The following CDYL2 variants were observed in gnomAD, a reference collection of about 807,000 sequenced individuals.
The protein encoded by CDYL2 is chromodomain Y-like protein 2.
In CDYL2, 23 loss-of-function variants were observed where a neutral mutation model predicts 49.4. The ratio of observed to expected loss-of-function variants is 0.47; its 90% CI spans 0.34 to 0.66. The LOEUF (loss-of-function observed/expected upper bound fraction) is 0.66, where lower values mean the gene tolerates loss of function less well. CDYL2 is among the 30% of genes least tolerant of loss of function. The pLI is 0.01. For synonymous variants in CDYL2, 360 were observed against 268.8 expected, an observed-to-expected ratio of 1.34 and a Z score of -3.32; for missense variants, 678 against 656.4, an observed-to-expected ratio of 1.03 and a Z score of -0.36.
intron 1 of CDYL2, among the ~76,000 whole-genome samples, chr16:80,737,976 G>A (rs1905596179): frequency 6.6e-6 from 1 of 152,078 alleles, no homozygotes; most frequent in Admixed American, 6.5e-5. Flanking sequence ...CCATCAACCT[G>A]TCATCTACAT....
At chr16:80,668,057 T>C (rs1909342837) in intron 2 of CDYL2, among the ~76,000 whole-genome samples, 1 of 152,224 alleles carries the variant, frequency 6.6e-6, no homozygotes, top group Non-Finnish European at 1.5e-5. Context: ...TGGAAAAGCA[T>C]TACAAAGACT....
chr16:80,746,390 C>G (rs904986341), intron 1 of CDYL2, among the ~76,000 whole-genome samples: 1 of 152,160 alleles, frequency 6.6e-6, no homozygotes, highest in Middle Eastern at 3.2e-3. Flanking sequence ...TAGACAAGCT[C>G]GAAATGTTCC....
At chr16:80,608,487 C>T (rs775380188) in intron 5 of CDYL2, among the ~76,000 whole-genome samples, 2 of 152,214 alleles carry the variant, frequency 1.3e-5, no homozygotes, top group Admixed American at 6.5e-5. Context: ...GTATGCCCCA[C>T]ACCCCTCCCC....
chr16:80,708,125 G>A (rs1054206423), intron 1 of CDYL2, among the ~76,000 whole-genome samples: 5 of 152,134 alleles, frequency 3.3e-5, no homozygotes, highest in African/African-American at 1.2e-4. Flanking sequence ...TGGGATGGAA[G>A]GATAGGAGGA....
intron 3 of CDYL2, among the ~76,000 whole-genome samples, chr16:80,621,275 G>C (rs977913564): frequency 2.0e-5 from 3 of 152,206 alleles, no homozygotes; most frequent in African/African-American, 7.2e-5. Flanking sequence ...TGCTTATTTA[G>C]CCCTTTACAA....
intron 1 of CDYL2, among the ~76,000 whole-genome samples, chr16:80,786,438 G>A (rs900556473): frequency 6.6e-6 from 1 of 152,230 alleles, no homozygotes; most frequent in African/African-American, 2.4e-5. Flanking sequence ...CAGTTAGAAT[G>A]TTGATCATTC....
At chr16:80,710,005 G>A (rs947937230) in intron 1 of CDYL2, among the ~76,000 whole-genome samples, 3 of 150,962 alleles carry the variant, frequency 2.0e-5, no homozygotes, top group Admixed American at 6.6e-5. Context: ...TCGGCTCACT[G>A]CAACCTCCGC....
At chr16:80,608,745 T>C (rs1367221110) in intron 5 of CDYL2, among the ~76,000 whole-genome samples, 1 of 152,056 alleles carries the variant, frequency 6.6e-6, no homozygotes, top group Non-Finnish European at 1.5e-5. Context: ...CATGGCTGTG[T>C]CCCGGCCTGT....
At chr16:80,668,080 G>C (rs573292098) in intron 2 of CDYL2, among the ~76,000 whole-genome samples, 3 of 152,334 alleles carry the variant, frequency 2.0e-5, no homozygotes, top group Non-Finnish European at 4.4e-5. Context: ...CCCTAGCCAG[G>C]TTTGGCAGGA....
At chr16:80,616,220 C>A (rs1906821320) in intron 4 of CDYL2, among the ~76,000 whole-genome samples, 1 of 152,210 alleles carries the variant, frequency 6.6e-6, no homozygotes, top group Admixed American at 6.5e-5. Flanking sequence ...TGGAGCCTCA[C>A]TTTCTCCCTC....
chr16:80,646,437 A>G (rs997245537), intron 2 of CDYL2, among the ~76,000 whole-genome samples: 1 of 152,202 alleles, frequency 6.6e-6, no homozygotes. Context: ...CTTATAAATA[A>G]TAACATTGAA....
chr16:80,612,327 C>G lies in CDYL2; in HGVS notation c.1218+299G>C, dbSNP rs1906635209. Among the ~76,000 whole-genome samples the G allele has an allele frequency of 6.6e-6, 1 of 152,218 alleles. No individual in the cohort carries two copies. The highest frequency in any genetic ancestry group is 1.5e-5 in the Non-Finnish European group (1 of 68,040). On this transcript the variant is annotated intron_variant, in intron 5 of 6. Coordinates refer to ENST00000570137, the MANE Select transcript of CDYL2 (RefSeq NM_152342.4). The surrounding 1 kb of genome is among the most constrained non-coding windows in gnomAD (Gnocchi z 5.0). ...AAGGCAAGTTTTGTTGTTAAAGCCA[C>G]TGAGACCGTGGGCTGCTTGTCACAG...
At chr16:80,795,726 G>A (rs1907751689) in intron 1 of CDYL2, among the ~76,000 whole-genome samples, 1 of 152,040 alleles carries the variant, frequency 6.6e-6, no homozygotes, top group Non-Finnish European at 1.5e-5. Context: ...GCCATCCTGA[G>A]CACTCCAGTG....
chr16:80,787,710 G>A (rs1010590930), intron 1 of CDYL2, among the ~76,000 whole-genome samples: 7 of 152,106 alleles, frequency 4.6e-5, no homozygotes, highest in Non-Finnish European at 8.8e-5. Context: ...ATTACCATCA[G>A]TGTTTTACTG....
At position 80,804,247 on chromosome 16, in the gene CDYL2, T is replaced by G; in HGVS notation, c.-74A>C. 7.8e-7 allele frequency: 1 copy of G among 1,279,468 alleles called. No homozygotes were observed. Among genetic ancestry groups the G allele is most frequent in the Non-Finnish European group, 1.0e-6 (1 of 975,304 alleles). The allele number at this position is 1,279,468 out of a possible 1,614,324, so 79.3% of individuals were successfully genotyped here. A position where few individuals can be genotyped will look rare whatever the true frequency, so the allele number is the denominator to read the frequency against. The stretch of plus-strand genomic sequence containing the variant: ...GCCCTCCGTGCGTGTGCGCGCGGGG[T>G]CCGGTGTGCGCGTGTGTGTGCGCGC... On this transcript the variant is annotated 5_prime_UTR_variant, in exon 1 of 7. Transcript: ENST00000570137.
intron 3 of CDYL2, among the ~76,000 whole-genome samples, chr16:80,629,396 C>T (rs758754069): frequency 7.2e-5 from 11 of 152,138 alleles, no homozygotes; most frequent in Non-Finnish European, 1.2e-4. Flanking sequence ...GGTGAACCGG[C>T]CTTGAGACAG....
rs143645387 is a variant in CDYL2 at position 80,792,917 on chromosome 16, G to T, written c.24+11233C>A. Among the ~76,000 whole-genome samples, 777 of 152,288 alleles carry T rather than the reference G, an allele frequency of 5.1e-3. 7 individuals are homozygous for T. Among genetic ancestry groups the T allele is most frequent in the African/African-American group, 0.018 (743 of 41,552 alleles). On this transcript the variant is annotated intron_variant, in intron 1 of 6. Coordinates refer to ENST00000570137, the MANE Select transcript of CDYL2 (RefSeq NM_152342.4). The stretch of plus-strand genomic sequence containing the variant: ...GCCGACGCTGGGATATAAGGGCCCA[G>T]TTCCCTTGCCTCAATATGGGACATT...
intron 2 of CDYL2, among the ~76,000 whole-genome samples, chr16:80,646,618 A>G (rs1015771193): frequency 1.3e-5 from 2 of 152,100 alleles, no homozygotes; most frequent in African/African-American, 4.8e-5. Context: ...GTGAAACCCT[A>G]TCTCTACTAC....
intron 1 of CDYL2, among the ~76,000 whole-genome samples, chr16:80,705,030 G>C (rs149278708): frequency 1.3e-5 from 2 of 152,204 alleles, no homozygotes; most frequent in African/African-American, 4.8e-5. Flanking sequence ...CTCGTGGGCA[G>C]ATGCTCTGTT....
Sources: gnomAD v4.1 joint callset for allele counts (sites outside exome capture counted in the v4.1 genomes callset) on GRCh38, gnomAD v4.1.1 for gene constraint, Gnocchi (gnomAD v3.1) non-coding constraint, MANE v1.5 for transcripts, NCBI Gene and HGNC (gene_info 2026-07-23, HGNC 2026-07-21) for gene names.